The following AGPS variants were observed in gnomAD, a reference collection of about 807,000 sequenced individuals.
AGPS encodes alkyldihydroxyacetonephosphate synthase, peroxisomal.
A neutral mutation model predicts 90.7 loss-of-function variants in AGPS; 26 were observed. The ratio of observed to expected loss-of-function variants is 0.29; its 90% CI spans 0.21 to 0.40. AGPS has a LOEUF of 0.40. Among genes scored for constraint, AGPS ranks in the 10% least tolerant of loss-of-function variants. The probability of loss-of-function intolerance (pLI) is 1.00; values close to 1 mark genes in which losing one functional copy is unlikely to be tolerated. For synonymous variants in AGPS, 294 were observed against 285.3 expected (o/e 1.03, Z -0.31); for missense variants, 540 against 816.1 (o/e 0.66, Z 4.12).
chr2:177,462,305 A>G (rs1227423344), intron 9 of AGPS, among the ~76,000 whole-genome samples: 1 of 148,628 alleles, frequency 6.7e-6, no homozygotes, highest in Non-Finnish European at 1.5e-5. Context: ...AGGCAGGAGA[A>G]TGGCATGAAC....
intron 5 of AGPS, among the ~76,000 whole-genome samples, chr2:177,438,394 A>G (rs1163764535): frequency 6.6e-6 from 1 of 152,218 alleles, no homozygotes; most frequent in Non-Finnish European, 1.5e-5. Context: ...TTAAAAAACA[A>G]AAACAAAAAC....
At chr2:177,473,465 A>AT (rs35702654) in intron 10 of AGPS, among the ~76,000 whole-genome samples, 10 of 151,326 alleles carry the variant, frequency 6.6e-5, no homozygotes, top group Admixed American at 2.0e-4. Context: ...TATTGACACT[A>AT]TTTTTTTTTA....
chr2:177,401,421 C>T (rs556045514), intron 1 of AGPS, among the ~76,000 whole-genome samples: 76 of 152,294 alleles, frequency 5.0e-4, no homozygotes, highest in Admixed American at 1.8e-3. Context: ...GTCATCTGAT[C>T]CTCACAACTG....
At chr2:177,439,245 C>G (rs572048453) in intron 5 of AGPS, among the ~76,000 whole-genome samples, 41 of 152,234 alleles carry the variant, frequency 2.7e-4, no homozygotes, top group Non-Finnish European at 5.6e-4. Context: ...AAGTGCCATA[C>G]AATTTACCGA....
intron 10 of AGPS, 94 bp downstream of exon 10, chr2:177,468,618 CAT>C (rs985548812): frequency 9.9e-5 from 89 of 898,702 alleles, no homozygotes; most frequent in African/African-American, 7.4e-4. Flanking sequence ...CTTTGAAAGA[CAT>C]GTTTTATATG....
intron 12 of AGPS, among the ~76,000 whole-genome samples, chr2:177,494,110 A>G (rs1231806872): frequency 6.6e-6 from 1 of 152,198 alleles, no homozygotes; most frequent in Non-Finnish European, 1.5e-5. Flanking sequence ...GAATTTAAAT[A>G]CCCTCAAAAC....
At chr2:177,410,492 G>C (rs1418102615) in intron 1 of AGPS, among the ~76,000 whole-genome samples, 1 of 152,152 alleles carries the variant, frequency 6.6e-6, no homozygotes, top group Non-Finnish European at 1.5e-5. Flanking sequence ...CCTAATTCTA[G>C]TGTATAATGG....
intron 11 of AGPS, among the ~76,000 whole-genome samples, chr2:177,482,873 G>A (rs1345802902): frequency 6.6e-6 from 1 of 151,764 alleles, no homozygotes; most frequent in Non-Finnish European, 1.5e-5. Flanking sequence ...CGTCTCTCTC[G>A]GCATTTGGTT....
At chr2:177,519,456 A>G (rs1689117585) in intron 17 of AGPS, among the ~76,000 whole-genome samples, 1 of 152,078 alleles carries the variant, frequency 6.6e-6, no homozygotes, top group Admixed American at 6.6e-5. Context: ...GCATTCTTCA[A>G]TCTCGTTTGT....
intron 10 of AGPS, among the ~76,000 whole-genome samples, chr2:177,474,481 C>T (rs1351618023): frequency 6.6e-6 from 1 of 152,240 alleles, no homozygotes; most frequent in Non-Finnish European, 1.5e-5. Flanking sequence ...GCACAAGACA[C>T]ACATTCCTGG....
At chr2:177,462,718 C>T (rs1687335345) in intron 9 of AGPS, among the ~76,000 whole-genome samples, 3 of 151,984 alleles carry the variant, frequency 2.0e-5, no homozygotes, top group Middle Eastern at 3.4e-3. Context: ...TATAGTAGAA[C>T]AACAATTTAC....
chr2:177,489,583 G>A (rs7568487), intron 11 of AGPS, among the ~76,000 whole-genome samples: 2,379 of 152,212 alleles, frequency 0.016, 57 homozygotes, highest in African/African-American at 0.052. Flanking sequence ...TATCCATGTT[G>A]TGAAGTCATC....
chr2:177,471,747 G>A (rs1039080220), intron 10 of AGPS, among the ~76,000 whole-genome samples: 5 of 152,212 alleles, frequency 3.3e-5, no homozygotes, highest in African/African-American at 1.2e-4. Context: ...TATCCCCAGA[G>A]TTCTGGAATG....
chr2:177,444,682 A>G (rs1367392034), intron 7 of AGPS, among the ~76,000 whole-genome samples: 3 of 152,064 alleles, frequency 2.0e-5, no homozygotes, highest in Admixed American at 6.6e-5. Flanking sequence ...AGATTTATCT[A>G]TGTTAGTTAT....
chr2:177,409,949 G>T (rs1295745359), intron 1 of AGPS, among the ~76,000 whole-genome samples: 1 of 152,150 alleles, frequency 6.6e-6, no homozygotes, highest in Non-Finnish European at 1.5e-5. Flanking sequence ...TAAAAGGCCT[G>T]GTCCAGTAAA....
chr2:177,505,709 T>C, intron 15 of AGPS, 134 bp downstream of exon 15: 1 of 766,784 alleles, frequency 1.3e-6, no homozygotes, highest in Non-Finnish European at 2.2e-6. Flanking sequence ...TCATTTTACA[T>C]GAACCTTATT....
intron 19 of AGPS, among the ~76,000 whole-genome samples, chr2:177,535,003 A>C (rs1270205407): frequency 1.3e-5 from 2 of 152,094 alleles, no homozygotes; most frequent in Non-Finnish European, 2.9e-5. Context: ...ATAATAGAGA[A>C]TTATGGAATG....
chr2:177,414,278 C>T (rs73025689), intron 1 of AGPS, among the ~76,000 whole-genome samples: 2,567 of 152,156 alleles, frequency 0.017, 69 homozygotes, highest in African/African-American at 0.057. Context: ...GCAATCATGG[C>T]TCACTGCAAC....
chr2:177,501,093 G>T lies in AGPS; in HGVS notation c.1475+1363G>T, dbSNP rs140964638. 5.6e-3 allele frequency among the ~76,000 whole-genome samples: 855 copies of T among 152,238 alleles called. 9 individuals carry two copies. Among genetic ancestry groups the T allele is most frequent in the African/African-American group, 0.02 (814 of 41,542 alleles). ...CTAGCCTTAAATATTAGAGACTGAA[G>T]CTTTAAAAAATTGTTCATTGTGTAT... On this transcript the variant is annotated intron_variant, in intron 14 of 19. Transcript: ENST00000264167.
Sources: gnomAD v4.1 joint callset for allele counts (sites outside exome capture counted in the v4.1 genomes callset) on GRCh38, gnomAD v4.1.1 for gene constraint, MANE v1.5 for transcripts, NCBI Gene and HGNC (gene_info 2026-07-23, HGNC 2026-07-21) for gene names.